EHBP1: variants seen among roughly 807,000 people sequenced by gnomAD.
EHBP1 encodes EH domain-binding protein 1.
Under a neutral mutation model 144.0 loss-of-function variants are expected in EHBP1, and 55 were observed. The observed-to-expected ratio is 0.38, with a 90% CI of 0.31 to 0.48. EHBP1 has a LOEUF of 0.48. EHBP1 is among the 20% of genes least tolerant of loss of function. The pLI is 0.98. For synonymous variants in EHBP1, 469 were observed against 472.7 expected, an observed-to-expected ratio of 0.99 and a Z score of 0.10; for missense variants, 1,200 against 1,364.2, an observed-to-expected ratio of 0.88 and a Z score of 1.90.
At chr2:62,882,647 C>T (rs2051551333) in intron 10 of EHBP1, among the ~76,000 whole-genome samples, 1 of 152,156 alleles carries the variant, frequency 6.6e-6, no homozygotes, top group African/African-American at 2.4e-5. Flanking sequence ...CTTTGGGAGG[C>T]CGAGGCAGGC....
intron 5 of EHBP1, among the ~76,000 whole-genome samples, chr2:62,810,803 T>C (rs967829990): frequency 6.6e-5 from 10 of 152,262 alleles, no homozygotes; most frequent in African/African-American, 2.4e-4. Context: ...GTTTTGTTTC[T>C]TGTTTAAGGT....
chr2:63,019,845 AAGG>A (rs1333252391), intron 19 of EHBP1, among the ~76,000 whole-genome samples: 1 of 92,136 alleles, frequency 1.1e-5, no homozygotes, highest in Non-Finnish European at 2.5e-5. Flanking sequence ...GGAAGGAAGG[AAGG>A]AAGGAAGGAA....
chr2:62,824,415 A>G (rs563848333), intron 5 of EHBP1, among the ~76,000 whole-genome samples: 1 of 151,992 alleles, frequency 6.6e-6, no homozygotes, highest in African/African-American at 2.4e-5. Context: ...ATTATTGTTC[A>G]TATCAGTGTA....
At chr2:63,033,257 C>T (rs1201154099) in intron 19 of EHBP1, among the ~76,000 whole-genome samples, 1 of 152,128 alleles carries the variant, frequency 6.6e-6, no homozygotes. Flanking sequence ...TCATCATATT[C>T]TTATAATCAC....
chr2:63,017,052 A>T (rs1239332300), intron 19 of EHBP1, among the ~76,000 whole-genome samples: 1 of 152,244 alleles, frequency 6.6e-6, no homozygotes, highest in Non-Finnish European at 1.5e-5. Context: ...GGGAATGATA[A>T]CTGCTTACTA....
chr2:62,896,162 A>G (rs992633312), intron 10 of EHBP1, among the ~76,000 whole-genome samples: 11 of 152,212 alleles, frequency 7.2e-5, no homozygotes, highest in African/African-American at 2.7e-4. Flanking sequence ...CTATAAATAC[A>G]ATGATATTAG....
At chr2:62,922,520 G>C (rs2055167878) in intron 10 of EHBP1, among the ~76,000 whole-genome samples, 1 of 152,156 alleles carries the variant, frequency 6.6e-6, no homozygotes, top group Non-Finnish European at 1.5e-5. Context: ...CACGTAAATA[G>C]TAACCAGGAT....
rs760331951 is a variant in EHBP1 at position 62,942,778 on chromosome 2, G to A, written c.1246G>A (p.Val416Ile). 6.2e-7 allele frequency: 1 copy of A among 1,613,588 alleles called. No homozygotes were observed. Among genetic ancestry groups the A allele is most frequent in the South Asian group, 1.1e-5 (1 of 91,018 alleles). Residue 416 changes from valine (V) to isoleucine (I), a missense_variant, in exon 11 of 23, where the codon GTA (valine) becomes ATA (isoleucine). Coordinates refer to ENST00000431489, the MANE Select transcript of EHBP1 (RefSeq NM_001142616.3). ...RKPNASQSLL[V>I]WCKEVTKNYR... ...GCCAAATGCTAGTCAGTCTTTGCTTGTATGGTGTAAAGAAGTTACAAAGAA... is the reference window on the plus strand; with the variant it reads ...GCCAAATGCTAGTCAGTCTTTGCTTATATGGTGTAAAGAAGTTACAAAGAA...
At chr2:63,018,329 C>A (rs1288710671) in intron 19 of EHBP1, among the ~76,000 whole-genome samples, 3 of 152,094 alleles carry the variant, frequency 2.0e-5, no homozygotes, top group Non-Finnish European at 4.4e-5. Context: ...TTCAAGTCTT[C>A]TTTATTCTCA....
chr2:62,987,917 A>G, intron 15 of EHBP1: 2 of 1,334,586 alleles, frequency 1.5e-6, no homozygotes, highest in South Asian at 2.7e-5. Flanking sequence ...CATTATTGCT[A>G]CATGTTCCTA....
intron 19 of EHBP1, among the ~76,000 whole-genome samples, chr2:63,018,028 G>A (rs960975700): frequency 1.3e-5 from 2 of 152,130 alleles, no homozygotes; most frequent in African/African-American, 4.8e-5. Flanking sequence ...GCTGGTTGTG[G>A]TGGCACATGA....
intron 2 of EHBP1, among the ~76,000 whole-genome samples, chr2:62,734,558 G>A (rs1439693831): frequency 6.6e-6 from 1 of 151,886 alleles, no homozygotes; most frequent in African/African-American, 2.4e-5. Context: ...ATTTAAAGTA[G>A]GTTTCTTATG....
chr2:62,842,664 C>T (rs1039315257), intron 7 of EHBP1, among the ~76,000 whole-genome samples: 1 of 152,104 alleles, frequency 6.6e-6, no homozygotes, highest in Non-Finnish European at 1.5e-5. Flanking sequence ...TAGGCATTTT[C>T]CTATAGACTG....
At chr2:62,903,347 C>G (rs2053557382) in intron 10 of EHBP1, among the ~76,000 whole-genome samples, 1 of 151,920 alleles carries the variant, frequency 6.6e-6, no homozygotes, top group African/African-American at 2.4e-5. Context: ...CCTATAATGC[C>G]TATAGTTCTA....
At chr2:62,807,930 G>A (rs1294612045) in intron 5 of EHBP1, among the ~76,000 whole-genome samples, 2 of 151,782 alleles carry the variant, frequency 1.3e-5, no homozygotes, top group Non-Finnish European at 2.9e-5. Flanking sequence ...CTTCTTTCTA[G>A]ATATGCCGAA....
At chr2:62,686,511 A>G (rs1180653585) in intron 1 of EHBP1, among the ~76,000 whole-genome samples, 9 of 152,188 alleles carry the variant, frequency 5.9e-5, no homozygotes, top group Admixed American at 5.2e-4. Context: ...AATGATGAAT[A>G]CATGCCATAT....
intron 15 of EHBP1, among the ~76,000 whole-genome samples, chr2:62,980,906 A>G (rs1049999266): frequency 6.7e-6 from 1 of 149,878 alleles, no homozygotes; most frequent in African/African-American, 2.4e-5. Flanking sequence ...CCCACTAAAA[A>G]AAAAATTTTT....
In EHBP1 at chr2:62,864,778, TATA is replaced by T; in HGVS notation, c.810_812del (p.Asn271del). 1.9e-6 allele frequency: 3 copies of T among 1,613,640 alleles called. No individual in the cohort carries two copies. Among genetic ancestry groups the T allele is most frequent in the Non-Finnish European group, 2.5e-6 (3 of 1,179,842 alleles). ...ACCTAGAAAAACAGAAGACTCTTTT[TATA>T]ATAACAGCTATAATCCCTTTAAAGA... On this transcript the variant is annotated inframe_deletion, in exon 9 of 23. Coordinates refer to ENST00000431489, the MANE Select transcript of EHBP1 (RefSeq NM_001142616.3).
At chr2:62,793,118 G>A (rs2043280723) in intron 5 of EHBP1, among the ~76,000 whole-genome samples, 1 of 151,926 alleles carries the variant, frequency 6.6e-6, no homozygotes, top group Non-Finnish European at 1.5e-5. Context: ...CTATTTGTTT[G>A]CATTTAGGGT....
Sources: allele counts gnomAD v4.1 joint callset (sites outside exome capture counted in the v4.1 genomes callset), GRCh38; gene constraint gnomAD v4.1.1; transcripts MANE v1.5; gene names NCBI Gene and HGNC (gene_info 2026-07-23, HGNC 2026-07-21).